AK5: variants seen among roughly 807,000 people sequenced by gnomAD.
AK5 encodes adenylate kinase isoenzyme 5.
In AK5, 27 loss-of-function variants were observed where a neutral mutation model predicts 69.5. The ratio of observed to expected loss-of-function variants is 0.39; its 90% CI spans 0.29 to 0.54. The LOEUF (loss-of-function observed/expected upper bound fraction) is 0.54, where lower values mean the gene tolerates loss of function less well. Ranked by LOEUF, AK5 falls within the 20% of genes least tolerant of loss-of-function variation. AK5 has a pLI of 0.71. For synonymous variants in AK5, 260 were observed against 244.4 expected (o/e 1.06, Z -0.60); for missense variants, 531 against 700.4 (o/e 0.76, Z 2.73).
At chr1:77,391,014 A>G (rs1292162057) in intron 6 of AK5, among the ~76,000 whole-genome samples, 1 of 152,324 alleles carries the variant, frequency 6.6e-6, no homozygotes, top group South Asian at 2.1e-4. Context: ...ATCCACGGAC[A>G]AACTTTGTCT....
chr1:77,373,551 C>A (rs1647161008), intron 6 of AK5, among the ~76,000 whole-genome samples: 1 of 152,024 alleles, frequency 6.6e-6, no homozygotes, highest in Non-Finnish European at 1.5e-5. Context: ...CATGGTGAAA[C>A]CCTGCCTCTG....
At chr1:77,487,893 T>C (rs1655701947) in intron 10 of AK5, among the ~76,000 whole-genome samples, 1 of 152,194 alleles carries the variant, frequency 6.6e-6, no homozygotes, top group African/African-American at 2.4e-5. Flanking sequence ...GCTGCCATCT[T>C]AGATGAAGAG....
intron 6 of AK5, among the ~76,000 whole-genome samples, chr1:77,352,970 T>G (rs1662290812): frequency 1.3e-5 from 2 of 152,188 alleles, no homozygotes; most frequent in South Asian, 4.1e-4. Flanking sequence ...TAAGGTCACT[T>G]ATGAGACCTA....
At chr1:77,367,688 TA>T (rs1646998346) in intron 6 of AK5, among the ~76,000 whole-genome samples, 2 of 70,710 alleles carry the variant, frequency 2.8e-5, no homozygotes, top group African/African-American at 5.1e-5. Context: ...ATATGTTATA[TA>T]TACGTTATAT....
At chr1:77,425,519 G>A (rs147454445) in intron 8 of AK5, among the ~76,000 whole-genome samples, 1,827 of 152,116 alleles carry the variant, frequency 0.012, 40 homozygotes, top group African/African-American at 0.041. Context: ...ACCAGGAGGC[G>A]GAGGTTGCAG....
chr1:77,530,818 G>A lies in AK5; in HGVS notation c.1429-5029G>A, dbSNP rs150363102. 3.1e-3 allele frequency among the ~76,000 whole-genome samples: 467 copies of A among 152,164 alleles called. 2 individuals are homozygous for A. The highest frequency in any genetic ancestry group is 0.011 in the African/African-American group (453 of 41,506). ...GGAGAGCTCCTGCCCACTGGTAAAC[G>A]TGGCCTAACCCCCATTCTGACTTAA... On this transcript the variant is annotated intron_variant, in intron 12 of 13. Transcript: ENST00000354567.
Position 77,559,160 on chromosome 1 carries a change from T to C in AK5, c.*490T>C, listed in dbSNP as rs1193050631. 1 of 152,736 alleles carries C rather than the reference T, an allele frequency of 6.5e-6. No individual in the cohort carries two copies. The highest frequency in any genetic ancestry group is 1.9e-4 in the East Asian group (1 of 5,206). The allele number at this position is 152,736 out of a possible 1,614,324, so 9.5% of individuals were successfully genotyped here. A position where few individuals can be genotyped will look rare whatever the true frequency, so the allele number is the denominator to read the frequency against. ...TGGTGTCTGGCTGTTTTGTCAACTC[T>C]CATCCACTGGTGGCTCAGAGCCATA... On this transcript the variant is annotated 3_prime_UTR_variant, in exon 14 of 14. Coordinates refer to ENST00000354567, the MANE Select transcript of AK5 (RefSeq NM_174858.3).
chr1:77,529,644 T>C (rs1431235352), intron 12 of AK5, among the ~76,000 whole-genome samples: 4 of 152,206 alleles, frequency 2.6e-5, no homozygotes, highest in African/African-American at 7.2e-5. Flanking sequence ...AGAAGGGCTC[T>C]GTGCTTAGCC....
intron 8 of AK5, among the ~76,000 whole-genome samples, chr1:77,434,221 A>G (rs1369415718): frequency 6.6e-6 from 1 of 151,988 alleles, no homozygotes; most frequent in African/African-American, 2.4e-5. Context: ...ATACAACATA[A>G]TAAGAATTCT....
At chr1:77,382,123 C>A (rs1264897639) in intron 6 of AK5, among the ~76,000 whole-genome samples, 4 of 151,956 alleles carry the variant, frequency 2.6e-5, no homozygotes, top group African/African-American at 9.7e-5. Flanking sequence ...ATTAAGAAAT[C>A]TTTTTCTGCA....
intron 6 of AK5, among the ~76,000 whole-genome samples, chr1:77,370,571 A>G (rs752702344): frequency 2.6e-5 from 4 of 152,188 alleles, no homozygotes. Flanking sequence ...ATTAAAAAAA[A>G]CTTTAGAGAT....
chr1:77,554,912 A>C (rs570421750), intron 13 of AK5, among the ~76,000 whole-genome samples: 1 of 151,102 alleles, frequency 6.6e-6, no homozygotes, highest in South Asian at 2.1e-4. Context: ...CACCATGCCC[A>C]GCCTCTGCGG....
Position 77,430,057 on chromosome 1 carries a change from T to C in AK5, c.1059+12342T>C, listed in dbSNP as rs1224978819. Among the ~76,000 whole-genome samples, 3 of 152,026 alleles carry C rather than the reference T, an allele frequency of 2.0e-5. No individual in the cohort carries two copies. The East Asian group carries it at 5.8e-4, about 29-fold the overall frequency. On this transcript the variant is annotated intron_variant, in intron 8 of 13. Transcript: ENST00000354567. ...GAGAGTGTGTTGACATAATTATATT[T>C]GTGTTTATTTTTTAAAACATTTTTC...
intron 5 of AK5, among the ~76,000 whole-genome samples, chr1:77,308,291 G>T (rs1659753762): frequency 6.6e-6 from 1 of 151,990 alleles, no homozygotes; most frequent in African/African-American, 2.4e-5. Flanking sequence ...AAGAAGAGGA[G>T]GAGATAAGAC....
intron 6 of AK5, among the ~76,000 whole-genome samples, chr1:77,361,102 G>A (rs1201622216): frequency 6.6e-6 from 1 of 152,172 alleles, no homozygotes; most frequent in Admixed American, 6.5e-5. Context: ...CTGCTCACTT[G>A]AGATGCTCTG....
intron 10 of AK5, among the ~76,000 whole-genome samples, chr1:77,501,427 T>A (rs1656711934): frequency 6.6e-6 from 1 of 152,388 alleles, no homozygotes; most frequent in South Asian, 2.1e-4. Flanking sequence ...CATCCTAGTG[T>A]GTACTCACAC....
chr1:77,499,591 C>G (rs1036750893), intron 10 of AK5, among the ~76,000 whole-genome samples: 1 of 152,076 alleles, frequency 6.6e-6, no homozygotes, highest in East Asian at 1.9e-4. Context: ...GGAAGAGCCA[C>G]AAGCAGAACA....
At chr1:77,458,896 G>A (rs1344438756) in intron 8 of AK5, among the ~76,000 whole-genome samples, 1 of 152,222 alleles carries the variant, frequency 6.6e-6, no homozygotes, top group East Asian at 1.9e-4. Flanking sequence ...GCAGGGACCA[G>A]TCATTCCTAG....
Position 77,290,712 on chromosome 1 carries a change from A to T in AK5, c.248-3081A>T, listed in dbSNP as rs553547355. 7.6e-4 allele frequency among the ~76,000 whole-genome samples: 116 copies of T among 152,304 alleles called. 1 individual carries two copies. The highest frequency in any genetic ancestry group is 2.7e-3 in the African/African-American group (111 of 41,548). On this transcript the variant is annotated intron_variant, in intron 2 of 13. Transcript: ENST00000354567. ...ACACTATATTTACTTCAAAACCAGC[A>T]CTTACTTCTTTTCCTGTTTCCATGA...
Sources: gnomAD v4.1 joint callset for allele counts (sites outside exome capture counted in the v4.1 genomes callset) on GRCh38, gnomAD v4.1.1 for gene constraint, MANE v1.5 for transcripts, NCBI Gene and HGNC (gene_info 2026-07-23, HGNC 2026-07-21) for gene names.